Variants in LOXL2 observed in about 807,000 individuals in gnomAD.
LOXL2 encodes the protein lysyl oxidase homolog 2.
LOXL2 carries 70 observed loss-of-function variants against 93.0 expected under a neutral mutation model. That is an observed-to-expected ratio of 0.75 (90% CI 0.62 to 0.92). LOXL2 has a LOEUF of 0.92. Ranked by LOEUF, LOXL2 falls within the 40% of genes least tolerant of loss-of-function variation. LOXL2 has a pLI of 0.00. For missense variants in LOXL2, 973 were observed against 1,054.9 expected (o/e 0.92, Z 1.08); for synonymous variants, 438 against 413.2 (o/e 1.06, Z -0.73).
chr8:23,307,353 A>C (rs1236112558), intron 10 of LOXL2, among the ~76,000 whole-genome samples: 1 of 152,152 alleles, frequency 6.6e-6, no homozygotes, highest in Non-Finnish European at 1.5e-5. Flanking sequence ...GGGAGACCAG[A>C]AGGTACATGT....
At chr8:23,330,556 CCAAG>C (rs1424296733) in intron 5 of LOXL2, among the ~76,000 whole-genome samples, 5 of 152,020 alleles carry the variant, frequency 3.3e-5, no homozygotes, top group African/African-American at 1.2e-4. Flanking sequence ...CCAGCTATGG[CCAAG>C]CAGTCAGCTG....
In LOXL2 at chr8:23,309,786, C is replaced by T. The variant is rs764501060; in HGVS notation, c.1762G>A (p.Asp588Asn). The change falls in exon 10 of 14, where the codon GAC becomes AAC. Residue 588 changes from aspartate to asparagine, a missense_variant. Physicochemically the swap from Asp to Asn is conservative, Grantham distance 23 (BLOSUM62 1). Transcript: ENST00000389131. ...NCLSASAAQT[D>N]PTTGYRRLLR... is the part of the protein sequence containing the mutation. ...AGCCGGCGGTAGCCCGTGGTGGGGTCGGTCTGCGCGGCTGAGGCCGAGAGG... is the reference window on the plus strand; with the variant it reads ...AGCCGGCGGTAGCCCGTGGTGGGGTTGGTCTGCGCGGCTGAGGCCGAGAGG... The T allele has an allele frequency of 1.2e-5, 19 of 1,603,288 alleles. No individual in the cohort carries two copies. Among genetic ancestry groups the T allele is most frequent in the South Asian group, 3.4e-5 (3 of 89,010 alleles).
At chr8:23,305,653 G>A (rs1302157672) in intron 10 of LOXL2, among the ~76,000 whole-genome samples, 3 of 152,042 alleles carry the variant, frequency 2.0e-5, no homozygotes, top group Admixed American at 6.6e-5. Flanking sequence ...ATCTAGGAGG[G>A]GGCTGGATCC....
At chr8:23,305,509 A>AC (rs1288859528) in intron 10 of LOXL2, among the ~76,000 whole-genome samples, 1 of 91,460 alleles carries the variant, frequency 1.1e-5, no homozygotes, top group Non-Finnish European at 2.3e-5. Flanking sequence ...GCCCCCCCAC[A>AC]CCCCCCGCCC....
At chr8:23,374,973 G>A in intron 1 of LOXL2, among the ~76,000 whole-genome samples, 1 of 152,102 alleles carries the variant, frequency 6.6e-6, no homozygotes. Flanking sequence ...GTTAATTTTG[G>A]CTTTTGTTGC....
At chr8:23,379,477 A>G (rs1325623256) in intron 1 of LOXL2, among the ~76,000 whole-genome samples, 2 of 152,198 alleles carry the variant, frequency 1.3e-5, no homozygotes, top group Non-Finnish European at 2.9e-5. Flanking sequence ...AGACAGGGAC[A>G]TTTATGTCTG....
intron 1 of LOXL2, among the ~76,000 whole-genome samples, chr8:23,391,126 C>T (rs575573579): frequency 6.6e-6 from 1 of 152,118 alleles, no homozygotes; most frequent in Non-Finnish European, 1.5e-5. Context: ...GGGTCCCTTC[C>T]ACAACATGTG....
intron 1 of LOXL2, chr8:23,386,018 G>A: frequency 1.3e-6 from 1 of 765,240 alleles, no homozygotes. Flanking sequence ...AACCCCCTGA[G>A]CAAGGTATTA....
intron 8 of LOXL2, among the ~76,000 whole-genome samples, chr8:23,319,603 C>T (rs1210383489): frequency 6.6e-6 from 1 of 152,120 alleles, no homozygotes; most frequent in Non-Finnish European, 1.5e-5. Context: ...CAGGGTGAAC[C>T]CCAGTGTGCA....
chr8:23,329,347 T>TA (rs1407806274), intron 5 of LOXL2, among the ~76,000 whole-genome samples: 1 of 152,218 alleles, frequency 6.6e-6, no homozygotes, highest in African/African-American at 2.4e-5. Context: ...GGTGGAGAAT[T>TA]AGAGTTTAAA....
chr8:23,327,632 C>T (rs1251005942), intron 6 of LOXL2, among the ~76,000 whole-genome samples: 1 of 152,180 alleles, frequency 6.6e-6, no homozygotes, highest in Non-Finnish European at 1.5e-5. Flanking sequence ...GAAGACTGGG[C>T]ACTCCTAGAC....
At chr8:23,356,808 T>G (rs1442407560) in intron 3 of LOXL2, among the ~76,000 whole-genome samples, 2 of 152,160 alleles carry the variant, frequency 1.3e-5, no homozygotes, top group South Asian at 4.1e-4. Flanking sequence ...TCTCCATAGG[T>G]TGCCCTCTCT....
intron 3 of LOXL2, among the ~76,000 whole-genome samples, chr8:23,349,145 C>A (rs1018743603): frequency 1.3e-5 from 2 of 152,190 alleles, no homozygotes; most frequent in Non-Finnish European, 1.5e-5. Flanking sequence ...GCCATTCCCA[C>A]TCCCAATTCC....
chr8:23,349,972 A>C (rs1804063245), intron 3 of LOXL2, among the ~76,000 whole-genome samples: 1 of 152,140 alleles, frequency 6.6e-6, no homozygotes, highest in Admixed American at 6.5e-5. Flanking sequence ...AAAGTTATGC[A>C]GTCCTCATCT....
intron 1 of LOXL2, among the ~76,000 whole-genome samples, chr8:23,371,527 C>T (rs199609300): frequency 3.3e-4 from 50 of 151,764 alleles, no homozygotes; most frequent in East Asian, 1.2e-3. Flanking sequence ...CTGAGGCGGG[C>T]GGATCACAAG....
intron 1 of LOXL2, among the ~76,000 whole-genome samples, chr8:23,393,119 G>C (rs1265705536): frequency 6.6e-6 from 1 of 152,176 alleles, no homozygotes; most frequent in Non-Finnish European, 1.5e-5. Flanking sequence ...AAATGGTTAA[G>C]ATGAGAATAC....
In LOXL2 at chr8:23,368,017, G is replaced by T. The variant is rs1804433794; in HGVS notation, c.335C>A (p.Ser112Tyr). ...YVEAKSWTAS[S>Y]SYGKGEGPIW... ...TTTACCTTCTCCCTTGCCGTAGGAG[G>T]AGCTGGCAGTCCAGGACTTGGCCTC... Residue 112 changes from serine (S) to tyrosine (Y), a missense_variant, in exon 2 of 14, where the codon TCC becomes TAC. Physicochemically the swap from Ser to Tyr is moderately radical, Grantham distance 144 (BLOSUM62 -2). Transcript: ENST00000389131. The T allele has an allele frequency of 6.2e-7, 1 of 1,613,304 alleles. No individual in the cohort carries two copies. The highest frequency in any genetic ancestry group is 2.2e-5 in the East Asian group (1 of 44,870).
intron 3 of LOXL2, among the ~76,000 whole-genome samples, chr8:23,358,845 ATTTTTTTT>A (rs5890105): frequency 7.4e-6 from 1 of 135,652 alleles, no homozygotes; most frequent in African/African-American, 2.8e-5. Flanking sequence ...CAGTACCTGC[ATTTTTTTT>A]TTTTTTTTCA....
intron 6 of LOXL2, 40 bp downstream of exon 6, chr8:23,328,342 C>G: frequency 6.2e-7 from 1 of 1,604,386 alleles, no homozygotes; most frequent in Non-Finnish European, 8.5e-7. Flanking sequence ...GCACCATGCT[C>G]CCAGGAAGAG....
Sources: allele counts gnomAD v4.1 joint callset (sites outside exome capture counted in the v4.1 genomes callset), GRCh38; gene constraint gnomAD v4.1.1; transcripts MANE v1.5; gene names NCBI Gene and HGNC (gene_info 2026-07-23, HGNC 2026-07-21).